The following SLC24A2 variants were observed in gnomAD, a reference collection of about 807,000 sequenced individuals.
SLC24A2 encodes solute carrier family 24 member 2.
In SLC24A2, 36 loss-of-function variants were observed where a neutral mutation model predicts 62.0. The observed-to-expected ratio is 0.58, with a 90% CI of 0.44 to 0.77. The LOEUF (loss-of-function observed/expected upper bound fraction) is 0.77, where lower values mean the gene tolerates loss of function less well. SLC24A2 is among the 30% of genes least tolerant of loss of function. The pLI, the probability that SLC24A2 is intolerant of heterozygous loss-of-function variation, is 0.00. For missense variants in SLC24A2, 846 were observed against 817.9 expected, an observed-to-expected ratio of 1.03 and a Z score of -0.42; for synonymous variants, 358 against 294.0, an observed-to-expected ratio of 1.22 and a Z score of -2.23.
intron 2 of SLC24A2, among the ~76,000 whole-genome samples, chr9:19,668,526 G>A (rs1819322423): frequency 1.3e-5 from 2 of 152,124 alleles, no homozygotes; most frequent in African/African-American, 4.8e-5. Flanking sequence ...TTAAGTTCTA[G>A]TTCAAATGCT....
chr9:19,871,564 A>G, the SLC24A2 span, among the ~76,000 whole-genome samples: 1 of 152,150 alleles, frequency 6.6e-6, no homozygotes, highest in East Asian at 1.9e-4. Flanking sequence ...TTTCAATTTC[A>G]TAATATCCAT....
the SLC24A2 span, among the ~76,000 whole-genome samples, chr9:19,989,379 C>T: frequency 6.6e-6 from 1 of 152,070 alleles, no homozygotes; most frequent in Admixed American, 6.6e-5. Context: ...AAATACTTAA[C>T]ATAATGCTGA....
chr9:19,519,585 C>T (rs921867694), intron 10 of SLC24A2, among the ~76,000 whole-genome samples: 2 of 152,146 alleles, frequency 1.3e-5, no homozygotes, highest in Non-Finnish European at 2.9e-5. Context: ...ATCCATCCAT[C>T]CCACAAACAC....
chr9:20,212,584 G>A, the SLC24A2 span, among the ~76,000 whole-genome samples: 1 of 151,640 alleles, frequency 6.6e-6, no homozygotes, highest in South Asian at 2.1e-4. Flanking sequence ...ATATATTATA[G>A]AATTGGTAAA....
the SLC24A2 span, among the ~76,000 whole-genome samples, chr9:19,844,046 T>C: frequency 6.6e-6 from 1 of 152,214 alleles, no homozygotes; most frequent in South Asian, 2.1e-4. Flanking sequence ...TACCCAGTAA[T>C]GGTATTGCTA....
At position 19,688,021 on chromosome 9, in the gene SLC24A2, T is replaced by A. The variant is rs187785128; in HGVS notation, c.931-65722A>T. Among the ~76,000 whole-genome samples, 275 of 152,268 alleles carry A rather than the reference T, an allele frequency of 1.8e-3. 1 individual carries two copies. The highest frequency in any genetic ancestry group is 6.5e-3 in the African/African-American group (269 of 41,570). On this transcript the variant is annotated intron_variant, in intron 2 of 10. Transcript: ENST00000341998. The stretch of plus-strand genomic sequence containing the variant: ...ACCATTTCATTAAACTGCCAGGCAA[T>A]ATTTTTGTATGCTTTCGAAAAGCTC...
chr9:19,895,546 C>CTTTTTT, the SLC24A2 span, among the ~76,000 whole-genome samples: 5 of 135,324 alleles, frequency 3.7e-5, no homozygotes, highest in Non-Finnish European at 4.7e-5. Flanking sequence ...TTCTTTCTTT[C>CTTTTTT]TTTTTTTTTT....
the SLC24A2 span, among the ~76,000 whole-genome samples, chr9:19,813,106 C>G: frequency 6.6e-6 from 1 of 152,250 alleles, no homozygotes; most frequent in East Asian, 1.9e-4. Context: ...CCCCTGCCTT[C>G]CTCAGAGTTT....
the SLC24A2 span, among the ~76,000 whole-genome samples, chr9:19,950,114 A>C: frequency 6.6e-6 from 1 of 152,210 alleles, no homozygotes; most frequent in Non-Finnish European, 1.5e-5. Flanking sequence ...TCAAATCCAA[A>C]TCTGTGACTT....
the SLC24A2 span, among the ~76,000 whole-genome samples, chr9:19,988,644 T>C: frequency 1.3e-5 from 2 of 152,148 alleles, no homozygotes; most frequent in Admixed American, 1.3e-4. Flanking sequence ...CTTTTAAAGG[T>C]GACACCCTAA....
chr9:20,147,990 A>G, the SLC24A2 span, among the ~76,000 whole-genome samples: 1 of 152,206 alleles, frequency 6.6e-6, no homozygotes, highest in South Asian at 2.1e-4. Flanking sequence ...TGTCATTGAC[A>G]TATTATCACT....
At chr9:20,103,525 A>G in the SLC24A2 span, among the ~76,000 whole-genome samples, 2 of 152,206 alleles carry the variant, frequency 1.3e-5, no homozygotes, top group Non-Finnish European at 1.5e-5. Context: ...AGCAGACAAC[A>G]GCATTCGTGG....
chr9:19,832,375 A>T, the SLC24A2 span, among the ~76,000 whole-genome samples: 1 of 152,248 alleles, frequency 6.6e-6, no homozygotes, highest in Non-Finnish European at 1.5e-5. Context: ...TAAGCCAGAT[A>T]TGAGTCATTT....
At chr9:19,628,028 T>C (rs1818078955) in intron 2 of SLC24A2, among the ~76,000 whole-genome samples, 1 of 152,212 alleles carries the variant, frequency 6.6e-6, no homozygotes, top group Non-Finnish European at 1.5e-5. Flanking sequence ...CTCACAGAAT[T>C]GACAAGCTAT....
the SLC24A2 span, among the ~76,000 whole-genome samples, chr9:19,960,187 C>G: frequency 6.6e-6 from 1 of 152,040 alleles, no homozygotes; most frequent in Non-Finnish European, 1.5e-5. Flanking sequence ...CACACACATA[C>G]ACACACACAC....
chr9:20,229,674 C>T, the SLC24A2 span, among the ~76,000 whole-genome samples: 2 of 152,032 alleles, frequency 1.3e-5, no homozygotes, highest in African/African-American at 2.4e-5. Context: ...TGCATCAAAG[C>T]ATTTATCACA....
intron 8 of SLC24A2, among the ~76,000 whole-genome samples, chr9:19,542,541 G>T (rs185746615): frequency 2.6e-5 from 4 of 152,124 alleles, no homozygotes; most frequent in Non-Finnish European, 5.9e-5. Flanking sequence ...AATGCTTCCA[G>T]TTTTTGCCCA....
At chr9:19,530,496 C>T (rs1424774036) in intron 8 of SLC24A2, among the ~76,000 whole-genome samples, 1 of 152,184 alleles carries the variant, frequency 6.6e-6, no homozygotes, top group Non-Finnish European at 1.5e-5. Context: ...TAACTTTGTA[C>T]CTCTGCCTGT....
the SLC24A2 span, among the ~76,000 whole-genome samples, chr9:19,796,797 T>C: frequency 6.6e-6 from 1 of 152,300 alleles, no homozygotes; most frequent in East Asian, 1.9e-4. Flanking sequence ...GATCTTTAAG[T>C]CTTTTTACTT....
Sources: gnomAD v4.1 joint callset for allele counts (sites outside exome capture counted in the v4.1 genomes callset) on GRCh38, gnomAD v4.1.1 for gene constraint, MANE v1.5 for transcripts, NCBI Gene and HGNC (gene_info 2026-07-23, HGNC 2026-07-21) for gene names.